Variants in ATP8A1 observed in about 807,000 individuals in gnomAD.
ATP8A1 encodes ATPase phospholipid transporting 8A1, also known as phospholipid-transporting ATPase IA.
ATP8A1 carries 90 observed loss-of-function variants against 177.7 expected under a neutral mutation model. The ratio of observed to expected loss-of-function variants is 0.51; its 90% CI spans 0.43 to 0.60. ATP8A1 has a LOEUF of 0.60. Ranked by LOEUF, ATP8A1 falls within the 20% of genes least tolerant of loss-of-function variation. ATP8A1 has a pLI of 0.00. For missense variants in ATP8A1, 1,072 were observed against 1,392.8 expected (o/e 0.77, Z 3.67); for synonymous variants, 493 against 485.9 (o/e 1.01, Z -0.19).
chr4:42,451,332 A>G (rs916380999), intron 30 of ATP8A1, among the ~76,000 whole-genome samples: 1 of 152,172 alleles, frequency 6.6e-6, no homozygotes, highest in Non-Finnish European at 1.5e-5. Flanking sequence ...GGCACGCTGA[A>G]TGGTTGGTGT....
intron 33 of ATP8A1, among the ~76,000 whole-genome samples, chr4:42,431,338 AT>A (rs978137074): frequency 4.0e-5 from 6 of 151,188 alleles, no homozygotes; most frequent in Admixed American, 6.6e-5. Flanking sequence ...GAGAAGGTGT[AT>A]TTTTTTTTGT....
intron 8 of ATP8A1, among the ~76,000 whole-genome samples, chr4:42,587,837 T>C (rs1733782377): frequency 6.6e-6 from 1 of 152,034 alleles, no homozygotes; most frequent in Admixed American, 6.6e-5. Context: ...CTCGATCTCC[T>C]GACCTTGTGA....
At chr4:42,573,238 A>G (rs570882712) in intron 14 of ATP8A1, among the ~76,000 whole-genome samples, 1 of 152,364 alleles carries the variant, frequency 6.6e-6, no homozygotes, top group Admixed American at 6.5e-5. Flanking sequence ...CAATTATTAA[A>G]CAGGCCATTG....
At chr4:42,629,318 C>T (rs936630357) in intron 1 of ATP8A1, among the ~76,000 whole-genome samples, 6 of 152,208 alleles carry the variant, frequency 3.9e-5, no homozygotes, top group African/African-American at 1.4e-4. Context: ...ATCGAAGAGA[C>T]TGGATGGCTC....
chr4:42,446,769 G>C (rs563954192), intron 30 of ATP8A1, 125 bp from the exon 31 acceptor site: 7 of 588,704 alleles, frequency 1.2e-5, no homozygotes. Flanking sequence ...CCAGAAATGA[G>C]ATTAAAAAAA....
chr4:42,556,944 G>C (rs961928331), intron 15 of ATP8A1, among the ~76,000 whole-genome samples: 2 of 152,238 alleles, frequency 1.3e-5, no homozygotes, highest in African/African-American at 4.8e-5. Context: ...AGGTTACAAA[G>C]AGTATTATCA....
intron 20 of ATP8A1, among the ~76,000 whole-genome samples, chr4:42,528,157 G>A (rs915655654): frequency 4.6e-5 from 7 of 152,062 alleles, no homozygotes; most frequent in African/African-American, 1.7e-4. Context: ...GTGGGTCTCC[G>A]GGCTCATCCT....
At chr4:42,446,806 C>T (rs1350287297) in intron 30 of ATP8A1, among the ~76,000 whole-genome samples, 162 bp from the exon 31 acceptor site, 1 of 151,140 alleles carries the variant, frequency 6.6e-6, no homozygotes, top group Non-Finnish European at 1.5e-5. Context: ...CTCTTGAGTG[C>T]TAACAAAGCT....
chr4:42,614,345 A>G (rs1207267564), intron 5 of ATP8A1, among the ~76,000 whole-genome samples: 2 of 152,220 alleles, frequency 1.3e-5, no homozygotes, highest in Non-Finnish European at 2.9e-5. Flanking sequence ...TACAAGATAC[A>G]TTATGGGTTG....
At chr4:42,460,985 A>G (rs990249049) in intron 27 of ATP8A1, among the ~76,000 whole-genome samples, 1 of 152,220 alleles carries the variant, frequency 6.6e-6, no homozygotes, top group African/African-American at 2.4e-5. Flanking sequence ...TGCCTTGATT[A>G]ACCATTCAGT....
At chr4:42,581,530 C>G (rs905113156) in intron 10 of ATP8A1, 91 bp downstream of exon 10, 1 of 897,000 alleles carries the variant, frequency 1.1e-6, no homozygotes, top group African/African-American at 1.6e-5. Flanking sequence ...GACAGATGGT[C>G]TCCTATGTTT....
rs16854383 is a variant in ATP8A1, at chr4:42,447,483, G to A, written c.2897-839C>T. 6.4e-3 allele frequency among the ~76,000 whole-genome samples: 969 copies of A among 152,044 alleles called. 10 individuals are homozygous for A. Among genetic ancestry groups the A allele is most frequent in the African/African-American group, 0.022 (916 of 41,488 alleles). ...CAAGAGTGAGCCACTGCACCTGGCC[G>A]CCTTCAAATGTGGCTTTAGACGAAG... is the stretch of plus-strand genomic sequence containing the variant. On this transcript the variant is annotated intron_variant, in intron 30 of 36. Coordinates refer to ENST00000381668, the MANE Select transcript of ATP8A1 (RefSeq NM_006095.2).
intron 34 of ATP8A1, among the ~76,000 whole-genome samples, chr4:42,423,136 A>C (rs1714185705): frequency 6.6e-6 from 1 of 152,164 alleles, no homozygotes; most frequent in South Asian, 2.1e-4. Flanking sequence ...ATTTAAATAA[A>C]TATCATGTAA....
intron 35 of ATP8A1, among the ~76,000 whole-genome samples, chr4:42,422,326 G>C (rs1438531696): frequency 6.6e-6 from 1 of 152,110 alleles, no homozygotes; most frequent in Non-Finnish European, 1.5e-5. Context: ...TCCTGACCTT[G>C]TTATCTGCCC....
chr4:42,548,422 A>G (rs1348498396), intron 19 of ATP8A1, among the ~76,000 whole-genome samples: 1 of 152,208 alleles, frequency 6.6e-6, no homozygotes, highest in Non-Finnish European at 1.5e-5. Flanking sequence ...TTTAAAATTG[A>G]TACACAGTAT....
chr4:42,492,250 T>A lies in ATP8A1; in HGVS notation c.2152-6582A>T, dbSNP rs190161313. Among the ~76,000 whole-genome samples the A allele has an allele frequency of 5.8e-4, 89 of 152,172 alleles. No homozygotes were observed. The South Asian group carries it at 6.7e-3, about 11-fold the overall frequency. On this transcript the variant is annotated intron_variant, in intron 24 of 36. Coordinates refer to ENST00000381668, the MANE Select transcript of ATP8A1 (RefSeq NM_006095.2). ...TAGGAATCTGTTAAATGTGTGCAGGTCAAATGATAAACTTATGTTACAAGG... is the reference window on the plus strand; with the variant it reads ...TAGGAATCTGTTAAATGTGTGCAGGACAAATGATAAACTTATGTTACAAGG...
intron 22 of ATP8A1, among the ~76,000 whole-genome samples, chr4:42,521,073 G>T (rs116489878): frequency 6.6e-6 from 1 of 152,120 alleles, no homozygotes; most frequent in Non-Finnish European, 1.5e-5. Flanking sequence ...ACAGAGGCAC[G>T]ACGAAGTACA....
At chr4:42,509,588 C>G (rs113485197) in intron 22 of ATP8A1, among the ~76,000 whole-genome samples, 1 of 152,142 alleles carries the variant, frequency 6.6e-6, no homozygotes, top group South Asian at 2.1e-4. Context: ...TGGCCAGGCG[C>G]GGTGGCTCAT....
At chr4:42,487,578 T>C (rs1199047766) in intron 24 of ATP8A1, among the ~76,000 whole-genome samples, 4 of 152,124 alleles carry the variant, frequency 2.6e-5, no homozygotes, top group South Asian at 2.1e-4. Flanking sequence ...AGTACACTTA[T>C]ATAACAATTT....
Sources: allele counts gnomAD v4.1 joint callset (sites outside exome capture counted in the v4.1 genomes callset), GRCh38; gene constraint gnomAD v4.1.1; transcripts MANE v1.5; gene names NCBI Gene and HGNC (gene_info 2026-07-23, HGNC 2026-07-21).